Variants in OR14I1 observed in about 807,000 individuals in gnomAD.
OR14I1 encodes olfactory receptor family 14 subfamily I member 1.
For missense variants in OR14I1, 279 were observed against 181.8 expected (o/e 1.53, Z -3.07); for synonymous variants, 118 against 71.1 (o/e 1.66, Z -3.32).
At chr1:248,681,339 C>T (rs1184970550) in exon 1 of OR14I1, 6 of 623,488 alleles carry the variant, frequency 9.6e-6, no homozygotes, top group Non-Finnish European at 1.5e-5. Context: ...GGTTTTGTTG[C>T]AGATCTTCTA....
the OR14I1 span, among the ~76,000 whole-genome samples, chr1:248,701,991 G>T: frequency 6.6e-6 from 1 of 152,170 alleles, no homozygotes; most frequent in African/African-American, 2.4e-5. Context: ...GGGGAAGCAG[G>T]CATGTCTTTC....
chr1:248,695,555 A>G, the OR14I1 span, among the ~76,000 whole-genome samples: 10 of 152,116 alleles, frequency 6.6e-5, no homozygotes, highest in Admixed American at 2.0e-4. Context: ...TTTTAAAATT[A>G]CATTTGGATT....
the OR14I1 span, among the ~76,000 whole-genome samples, chr1:248,697,614 G>A: frequency 2.6e-4 from 40 of 151,946 alleles, 1 homozygote; most frequent in South Asian, 4.4e-3. Flanking sequence ...GAGAAACCCC[G>A]TCCCTACTAA....
upstream of OR14I1, among the ~76,000 whole-genome samples, chr1:248,685,188 G>A (rs1160271859): frequency 2.0e-5 from 3 of 151,662 alleles, no homozygotes; most frequent in Non-Finnish European, 2.9e-5. Flanking sequence ...ACATATTAAA[G>A]TAATAATCTC....
the OR14I1 span, among the ~76,000 whole-genome samples, chr1:248,697,833 C>T: frequency 6.6e-6 from 1 of 152,096 alleles, no homozygotes; most frequent in Non-Finnish European, 1.5e-5. Flanking sequence ...CTTTTTTCCT[C>T]TGTTGTTGTT....
the OR14I1 span, among the ~76,000 whole-genome samples, chr1:248,698,069 T>C: frequency 6.6e-6 from 1 of 152,204 alleles, no homozygotes; most frequent in Non-Finnish European, 1.5e-5. Context: ...GTTTCCATAA[T>C]TCCTCTTTAC....
exon 1 of OR14I1, chr1:248,682,076 G>A (rs1306447685): frequency 3.8e-6 from 3 of 780,974 alleles, no homozygotes; most frequent in Non-Finnish European, 7.2e-6. Flanking sequence ...ATGGATTTAG[G>A]CACAGTGACT....
the OR14I1 span, among the ~76,000 whole-genome samples, chr1:248,697,915 A>G: frequency 3.3e-5 from 5 of 152,272 alleles, no homozygotes; most frequent in African/African-American, 1.2e-4. Context: ...AAAAGATTGC[A>G]AATTATATTT....
the OR14I1 span, among the ~76,000 whole-genome samples, chr1:248,693,448 A>G: frequency 6.6e-6 from 1 of 152,214 alleles, no homozygotes; most frequent in African/African-American, 2.4e-5. Context: ...GCATCACAGT[A>G]AAAATAGTTA....
At chr1:248,684,767 T>C (rs927093866), upstream of OR14I1, among the ~76,000 whole-genome samples, 4 of 151,604 alleles carry the variant, frequency 2.6e-5, no homozygotes, top group African/African-American at 9.7e-5. Context: ...CATATATATA[T>C]ATATATATAT....
upstream of OR14I1, among the ~76,000 whole-genome samples, chr1:248,683,372 C>G (rs1661594813): frequency 2.6e-5 from 4 of 152,126 alleles, no homozygotes; most frequent in South Asian, 8.3e-4. Context: ...GTTCACATGA[C>G]TCAAATATTC....
chr1:248,682,292 T>C, exon 1 of OR14I1: 1 of 743,904 alleles, frequency 1.3e-6, no homozygotes, highest in South Asian at 1.5e-5. Context: ...GTCACTTTTG[T>C]GAGATTGTCC....
chr1:248,700,122 C>A, the OR14I1 span, among the ~76,000 whole-genome samples: 1 of 152,146 alleles, frequency 6.6e-6, no homozygotes, highest in Non-Finnish European at 1.5e-5. Context: ...CATCCTAGGC[C>A]CCCTGCCAGA....
exon 1 of OR14I1, chr1:248,681,943 T>C (rs1470562860): frequency 3.8e-6 from 3 of 780,936 alleles, no homozygotes; most frequent in Admixed American, 3.4e-5. Flanking sequence ...AATGGCAACA[T>C]AGCGGTCATA....
At chr1:248,681,319 G>T, downstream of OR14I1, 20 of 606,380 alleles carry the variant, frequency 3.3e-5, no homozygotes, top group South Asian at 4.7e-5. Flanking sequence ...AAGTATTTAT[G>T]CTTTTTTGGG....
the OR14I1 span, among the ~76,000 whole-genome samples, chr1:248,702,741 C>T: frequency 6.6e-6 from 1 of 152,074 alleles, no homozygotes; most frequent in East Asian, 1.9e-4. Context: ...ATGATGTGGG[C>T]CTGCTGTTCT....
downstream of OR14I1, among the ~76,000 whole-genome samples, chr1:248,680,703 A>G (rs146233490): frequency 8.2e-3 from 1,249 of 152,298 alleles, 26 homozygotes; most frequent in African/African-American, 0.027. Flanking sequence ...GAGGCACTAA[A>G]ACCCAGGAAA....
chr1:248,694,162 A>G, the OR14I1 span, among the ~76,000 whole-genome samples: 1 of 152,210 alleles, frequency 6.6e-6, no homozygotes, highest in African/African-American at 2.4e-5. Context: ...TGTTTCCTCA[A>G]AAGTGCCCTC....
the OR14I1 span, among the ~76,000 whole-genome samples, chr1:248,700,086 A>G: frequency 1.3e-5 from 2 of 152,146 alleles, no homozygotes; most frequent in Non-Finnish European, 2.9e-5. Context: ...GTACAGAATC[A>G]CCCAGGAGCT....
Sources: allele counts gnomAD v4.1 joint callset (sites outside exome capture counted in the v4.1 genomes callset), GRCh38; gene constraint gnomAD v4.1.1; transcripts MANE v1.5; gene names NCBI Gene and HGNC (gene_info 2026-07-23, HGNC 2026-07-21).